The following AP3D1 variants were observed in gnomAD, a reference collection of about 807,000 sequenced individuals.
AP3D1 encodes AP-3 complex subunit delta-1.
A neutral mutation model predicts 147.6 loss-of-function variants in AP3D1; 51 were observed. The ratio of observed to expected loss-of-function variants is 0.35; its 90% confidence interval spans 0.28 to 0.44. AP3D1 has a LOEUF of 0.44. Among genes scored for constraint, AP3D1 ranks in the 20% least tolerant of loss-of-function variants. AP3D1 has a pLI of 1.00. For synonymous variants in AP3D1, 760 were observed against 663.0 expected (o/e 1.15, Z -2.25); for missense variants, 1,421 against 1,624.2 (o/e 0.87, Z 2.15).
chr19:2,157,772 T>A (rs2144600882), intron 1 of AP3D1, among the ~76,000 whole-genome samples: 1 of 152,078 alleles, frequency 6.6e-6, no homozygotes, highest in Admixed American at 6.6e-5. Flanking sequence ...ATCTACTGTA[T>A]GCCACTTTGG....
At chr19:2,115,045 T>C (rs1420854029) in intron 20 of AP3D1, among the ~76,000 whole-genome samples, 174 bp downstream of exon 20, 1 of 152,128 alleles carries the variant, frequency 6.6e-6, no homozygotes, top group African/African-American at 2.4e-5. Context: ...CCTGGGGCGG[T>C]GCGTCGGGAC....
upstream of AP3D1, among the ~76,000 whole-genome samples, chr19:2,155,982 G>A (rs1015407490): frequency 6.6e-6 from 1 of 151,604 alleles, no homozygotes; most frequent in African/African-American, 2.4e-5. Flanking sequence ...GTACCCGGGA[G>A]GCGGAGCTTG....
chr19:2,110,295 G>C (rs943076234), intron 27 of AP3D1, 71 bp from the exon 28 acceptor site: 6 of 1,308,708 alleles, frequency 4.6e-6, no homozygotes, highest in African/African-American at 4.4e-5. Context: ...CTCCAGGTCT[G>C]TCCTCAGTCC....
chr19:2,114,813 C>A lies in AP3D1; in HGVS notation c.2358G>T (p.Leu786=), dbSNP rs1368762955. ...IVTEEMPENA[L]PSDEDDKDPN... ...GGTCTTTGTCATCCTCGTCGCTGGG[C>A]AGAGCATTCTGACAGGAAGAGAGGA... The change falls in exon 21 of 32, where the codon CTG becomes CTT. Residue 786 remains leucine, a synonymous_variant. Coordinates refer to ENST00000643116, the MANE Select transcript of AP3D1 (RefSeq NM_001261826.3). 1 of 1,614,046 alleles carries A rather than the reference C, an allele frequency of 6.2e-7. No homozygotes were observed. The highest frequency in any genetic ancestry group is 2.2e-5 in the East Asian group (1 of 44,876).
At chr19:2,159,441 T>G (rs909795863) in intron 1 of AP3D1, among the ~76,000 whole-genome samples, 5 of 151,088 alleles carry the variant, frequency 3.3e-5, no homozygotes, top group South Asian at 2.1e-4. Flanking sequence ...CAGGCTGGAG[T>G]GCGGTGGCGC....
rs754925189 is a variant in AP3D1 at position 2,127,199 on chromosome 19, G to A, written c.809C>T (p.Thr270Met). 1 of 1,613,776 alleles carries A rather than the reference G, an allele frequency of 6.2e-7. No individual in the cohort carries two copies. Among genetic ancestry groups the A allele is most frequent in the Non-Finnish European group, 8.5e-7 (1 of 1,179,970 alleles). Residue 270 changes from threonine to methionine, a missense_variant and splice_region_variant, in exon 9 of 32, where the codon ACG becomes ATG. By Grantham distance (81) the Thr-to-Met change is moderately conservative (BLOSUM62 -1). Coordinates refer to ENST00000643116, the MANE Select transcript of AP3D1 (RefSeq NM_001261826.3). ...IEPLTNLIHS[T>M]SAMSLLYECV... ...TTCATAGAGGAGAGACATGGCAGAC[G>A]TGCTAAGGAAAGGAACACAGGGAAG... is the stretch of plus-strand genomic sequence containing the variant.
At position 2,115,698 on chromosome 19, in the gene AP3D1, C is replaced by A; in HGVS notation, c.2074-85G>T. On this transcript the variant is annotated intron_variant, in intron 18 of 31. Transcript: ENST00000643116. ...AGCCTCGGGGATGCAGGGAGCGTGA[C>A]GCAGCCCCAACATCCTAAGGAGCTG... 3 of 1,405,202 alleles carry A rather than the reference C, an allele frequency of 2.1e-6. No homozygotes were observed. The South Asian group carries it at 3.8e-5, about 18-fold the overall frequency. The allele number at this position is 1,405,202 out of a possible 1,614,324, so 87.0% of individuals were successfully genotyped here.
Position 2,118,817 on chromosome 19 carries a change from T to C in AP3D1, c.1497A>G (p.Pro499=). Residue 499 remains proline (P), a synonymous_variant, in exon 15 of 32, where the codon CCA becomes CCG. Transcript: ENST00000643116. Reference sequence around the variant, plus strand: ...GCAGCATGGCCTCCAAAGTGTGGTGTGGTTCCTGCAGATGCCTGAGGACAG... The same window carrying C: ...GCAGCATGGCCTCCAAAGTGTGGTGCGGTTCCTGCAGATGCCTGAGGACAG... The part of the protein sequence containing the change: ...CGEFSEHLQE[P]HHTLEAMLRP... 2 of 1,613,456 alleles carry C rather than the reference T, an allele frequency of 1.2e-6. No homozygotes were observed. Among genetic ancestry groups the C allele is most frequent in the Non-Finnish European group, 1.7e-6 (2 of 1,179,922 alleles).
At chr19:2,120,721 C>T in intron 14 of AP3D1, 141 bp downstream of exon 14, 1 of 771,744 alleles carries the variant, frequency 1.3e-6, no homozygotes, top group Non-Finnish European at 2.1e-6. Flanking sequence ...GGGACAGGTG[C>T]TGGAAACCCA....
rs1325272641 is a variant in AP3D1, at chr19:2,114,139, CCTT to C, written c.2584_2586del (p.Lys862del). ...ACTAGCCTTACCTTCTTCTCCTTCT[CCTT>C]CTTCTTCTCCTTGTCTCTCTCTTTC... On this transcript the variant is annotated inframe_deletion, in exon 22 of 32. Coordinates refer to ENST00000643116, the MANE Select transcript of AP3D1 (RefSeq NM_001261826.3). 9.0e-6 allele frequency: 14 copies of C among 1,556,426 alleles called. No individual in the cohort carries two copies. Among genetic ancestry groups the C allele is most frequent in the Middle Eastern group, 1.7e-4 (1 of 6,002 alleles).
intron 1 of AP3D1, among the ~76,000 whole-genome samples, chr19:2,158,909 G>A (rs2019671117): frequency 6.6e-6 from 1 of 152,178 alleles, no homozygotes; most frequent in African/African-American, 2.4e-5. Context: ...TTTGGCCTGA[G>A]CCCAGGAATG....
chr19:2,109,883 GAGTGGTGATCAAGTAGGAGCTGCAGCTGA>G lies in AP3D1; in HGVS notation c.3311_3339del (p.Phe1104SerfsTer5), dbSNP rs764277655. Reference sequence around the variant, plus strand: ...GGGCCTGGGCCCCACCTGTAGCAGGGAGTGGTGATCAAGTAGGAGCTGCAGCTGAAGTGCAGCCTGAAGTCCAGCTTCTC... The same window carrying G: ...GGGCCTGGGCCCCACCTGTAGCAGGGAGTGCAGCCTGAAGTCCAGCTTCTC... On this transcript the variant is annotated frameshift_variant, in exon 29 of 32. Transcript: ENST00000643116. LOFTEE classifies it high-confidence loss of function. 1 of 1,613,816 alleles carries G rather than the reference GAGTGGTGATCAAGTAGGAGCTGCAGCTGA, an allele frequency of 6.2e-7. No individual in the cohort carries two copies. Among genetic ancestry groups the G allele is most frequent in the Non-Finnish European group, 8.5e-7 (1 of 1,180,006 alleles).
intron 6 of AP3D1, 47 bp downstream of exon 6, chr19:2,130,361 G>A (rs1459205402): frequency 6.2e-7 from 1 of 1,611,454 alleles, no homozygotes; most frequent in Non-Finnish European, 8.5e-7. Flanking sequence ...CAGGGCACCG[G>A]CTGAGCCCCC....
chr19:2,120,793 C>G lies in AP3D1; in HGVS notation c.1481+69G>C. 2.0e-6 allele frequency: 3 copies of G among 1,475,418 alleles called. No homozygotes were observed. The East Asian group carries it at 6.9e-5, about 34-fold the overall frequency. 91.4% of individuals were successfully genotyped at this position (1,475,418 alleles called of 1,614,324 possible). A position where few individuals can be genotyped will look rare whatever the true frequency, so the allele number is the denominator to read the frequency against. On this transcript the variant is annotated intron_variant, in intron 14 of 31. Coordinates refer to ENST00000643116, the MANE Select transcript of AP3D1 (RefSeq NM_001261826.3). ...GAGACGGTAGGAAGGATCTGCCAGG[C>G]ACATCCCTGGTCCCTACCCCTCAGA...
At chr19:2,151,817 A>T (rs1300275029), upstream of AP3D1, among the ~76,000 whole-genome samples, 4 of 152,236 alleles carry the variant, frequency 2.6e-5, no homozygotes, top group Non-Finnish European at 4.4e-5. Flanking sequence ...AGCCCTAGCC[A>T]CGCCCCTTAG....
intron 8 of AP3D1, among the ~76,000 whole-genome samples, chr19:2,127,811 G>C (rs1026041593): frequency 2.0e-5 from 3 of 152,234 alleles, no homozygotes; most frequent in Admixed American, 6.5e-5. Flanking sequence ...ACAGGCGTGA[G>C]CCACAGCTCC....
intron 8 of AP3D1, among the ~76,000 whole-genome samples, chr19:2,127,649 C>T (rs1054709385): frequency 3.3e-5 from 5 of 152,218 alleles, no homozygotes; most frequent in African/African-American, 4.8e-5. Flanking sequence ...CTCAGCCTCC[C>T]GTGCAGCTGG....
chr19:2,151,749 A>C (rs1266313525), upstream of AP3D1, among the ~76,000 whole-genome samples: 3 of 152,220 alleles, frequency 2.0e-5, no homozygotes, highest in East Asian at 3.8e-4. Context: ...TTCCGGCCCC[A>C]AAACTTGCGC....
chr19:2,130,973 T>C (rs1414955706), intron 5 of AP3D1, among the ~76,000 whole-genome samples: 4 of 152,200 alleles, frequency 2.6e-5, no homozygotes, highest in Non-Finnish European at 4.4e-5. Context: ...AGCCAATCCA[T>C]GATGGGGCAC....
Sources: gnomAD v4.1 joint callset for allele counts (sites outside exome capture counted in the v4.1 genomes callset) on GRCh38, gnomAD v4.1.1 for gene constraint, MANE v1.5 for transcripts, NCBI Gene and HGNC (gene_info 2026-07-23, HGNC 2026-07-21) for gene names.